Variants in SRGAP3 observed in about 807,000 individuals in gnomAD.
SRGAP3 encodes the protein SLIT-ROBO Rho GTPase-activating protein 3.
In SRGAP3, 39 loss-of-function variants were observed where a neutral mutation model predicts 121.1. The ratio of observed to expected loss-of-function variants is 0.32; its 90% confidence interval spans 0.25 to 0.42. The LOEUF (loss-of-function observed/expected upper bound fraction) is 0.42. SRGAP3 is among the 10% of genes least tolerant of loss of function. SRGAP3 has a pLI of 1.00. For synonymous variants in SRGAP3, 601 were observed against 570.0 expected (o/e 1.05, Z -0.77); for missense variants, 1,213 against 1,470.6 (o/e 0.82, Z 2.86).
At chr3:9,050,888 G>A (rs1945534496) in intron 9 of SRGAP3, among the ~76,000 whole-genome samples, 1 of 152,216 alleles carries the variant, frequency 6.6e-6, no homozygotes, top group South Asian at 2.1e-4. Context: ...AGAAAATGTA[G>A]TGTGTATCGA....
chr3:9,026,963 C>T lies in SRGAP3; in HGVS notation c.1572G>A (p.Glu524=), dbSNP rs755600469. 6.2e-7 allele frequency: 1 copy of T among 1,614,192 alleles called. No individual in the cohort carries two copies. Among genetic ancestry groups the T allele is most frequent in the Non-Finnish European group, 8.5e-7 (1 of 1,180,034 alleles). The change falls in exon 13 of 22, where the codon GAG becomes GAA. Residue 524 remains glutamate, a synonymous_variant. Coordinates refer to ENST00000383836, the MANE Select transcript of SRGAP3 (RefSeq NM_014850.4). ...ATAAATTGATGTAACGGATGCAGCTCTCGACTACAAGCGGTATAGCTTGTC... is the reference window on the plus strand; with the variant it reads ...ATAAATTGATGTAACGGATGCAGCTTTCGACTACAAGCGGTATAGCTTGTC... ...DSGQAIPLVV[E]SCIRYINLYG... is the part of the protein sequence containing the mutation.
At chr3:9,358,187 T>C (rs1033301876) in intron 1 of SRGAP3, among the ~76,000 whole-genome samples, 1 of 152,070 alleles carries the variant, frequency 6.6e-6, no homozygotes, top group African/African-American at 2.4e-5. Flanking sequence ...TCCAGAACAT[T>C]CTCATCACTT....
intron 1 of SRGAP3, among the ~76,000 whole-genome samples, chr3:9,170,409 C>T (rs960606449): frequency 3.3e-5 from 5 of 152,042 alleles, no homozygotes; most frequent in Admixed American, 6.5e-5. Flanking sequence ...CGGGGAGCAG[C>T]GGGGTGGGGG....
At chr3:9,214,860 G>A (rs965439240) in intron 1 of SRGAP3, among the ~76,000 whole-genome samples, 2 of 152,118 alleles carry the variant, frequency 1.3e-5, no homozygotes, top group Non-Finnish European at 2.9e-5. Context: ...CTAACCACAC[G>A]CTACAGGAGG....
chr3:9,294,269 G>T (rs986171889), intron 3 of SRGAP3, among the ~76,000 whole-genome samples: 2 of 152,106 alleles, frequency 1.3e-5, no homozygotes, highest in African/African-American at 4.8e-5. Context: ...AACTAGTGCA[G>T]AAACAGAAAA....
At chr3:9,222,890 T>G (rs1243199976) in intron 1 of SRGAP3, among the ~76,000 whole-genome samples, 1 of 152,172 alleles carries the variant, frequency 6.6e-6, no homozygotes, top group African/African-American at 2.4e-5. Context: ...ATAAATCAAT[T>G]TTATAGTCAA....
At chr3:9,197,549 T>C (rs918846653) in intron 1 of SRGAP3, among the ~76,000 whole-genome samples, 1 of 152,254 alleles carries the variant, frequency 6.6e-6, no homozygotes, top group Non-Finnish European at 1.5e-5. Flanking sequence ...TCTCATTTTG[T>C]AGTGTCTCAT....
chr3:9,350,667 C>T (rs7629261), intron 1 of SRGAP3, among the ~76,000 whole-genome samples: 9,467 of 152,176 alleles, frequency 0.062, 1,043 homozygotes, highest in African/African-American at 0.22. Flanking sequence ...TCTGAATAGT[C>T]TTTCTGTTTT....
chr3:9,339,713 C>T (rs186552492), intron 1 of SRGAP3, among the ~76,000 whole-genome samples: 1 of 152,282 alleles, frequency 6.6e-6, no homozygotes, highest in East Asian at 1.9e-4. Flanking sequence ...CCTGGGTGGG[C>T]CAAATAAAAT....
At position 9,239,593 on chromosome 3, in the gene SRGAP3, C is replaced by T. The variant is rs1953549756; in HGVS notation, c.67+9292G>A. On this transcript the variant is annotated intron_variant, in intron 1 of 21. Transcript: ENST00000383836. The surrounding 1 kb of genome is among the most constrained non-coding windows in gnomAD (Gnocchi z 4.0). ...CCAGGTCCATTCAAGGAACCTGGAACACTCTGCTGCAGCAGTGTGCACCCC... is the reference window on the plus strand; with the variant it reads ...CCAGGTCCATTCAAGGAACCTGGAATACTCTGCTGCAGCAGTGTGCACCCC... Among the ~76,000 whole-genome samples, 2 of 152,206 alleles carry T rather than the reference C, an allele frequency of 1.3e-5. No individual in the cohort carries two copies.
At chr3:9,090,718 C>G (rs917862176) in intron 3 of SRGAP3, among the ~76,000 whole-genome samples, 4 of 152,186 alleles carry the variant, frequency 2.6e-5, no homozygotes, top group African/African-American at 9.6e-5. Flanking sequence ...CTCACTGCAA[C>G]CTCCATCTCT....
chr3:9,182,200 A>AAAAAAAAC (rs1491306717), intron 1 of SRGAP3, among the ~76,000 whole-genome samples: 15 of 146,304 alleles, frequency 1.0e-4, no homozygotes, highest in Non-Finnish European at 2.0e-4. Context: ...AAAAAAAAAA[A>AAAAAAAAC]ACACAAAAAA....
At chr3:9,115,131 AG>A (rs1288676280) in intron 2 of SRGAP3, among the ~76,000 whole-genome samples, 1 of 152,158 alleles carries the variant, frequency 6.6e-6, no homozygotes, top group Non-Finnish European at 1.5e-5. Flanking sequence ...GTCTGAAGTT[AG>A]GGTTCACCCT....
chr3:9,146,407 T>C (rs1286444203), intron 1 of SRGAP3, among the ~76,000 whole-genome samples: 2 of 152,212 alleles, frequency 1.3e-5, no homozygotes, highest in Admixed American at 6.5e-5. Context: ...AGGGACTTTA[T>C]AGCCCCAAGC....
chr3:9,068,518 G>C (rs1208291924), intron 4 of SRGAP3, among the ~76,000 whole-genome samples: 1 of 152,064 alleles, frequency 6.6e-6, no homozygotes, highest in Non-Finnish European at 1.5e-5. Flanking sequence ...TGATCTACTC[G>C]ATTCCTGATT....
rs529300193 is a variant in SRGAP3, at chr3:8,990,677, C to T, written c.2721G>A (p.Glu907=). 9.3e-6 allele frequency: 15 copies of T among 1,613,616 alleles called. No homozygotes were observed. The African/African-American group carries it at 1.9e-4, about 20-fold the overall frequency. The change falls in exon 21 of 22, where the codon GAG becomes GAA. Residue 907 remains glutamate, a synonymous_variant. Coordinates refer to ENST00000383836, the MANE Select transcript of SRGAP3 (RefSeq NM_014850.4). ...TCGCCATCCTCCGCTTCTCAGGGCT[C>T]TCGATCCTCCCCCGGGTGAGGGGGA... ...HKIPLTRGRI[E]SPEKRRMATF...
chr3:8,981,697 T>G lies in SRGAP3; in HGVS notation c.*3822A>C. ...TTCCTCTTTGTGTACCACAAACCGG[T>G]TTTAAATGTTTATAAGGCAGATCTC... On this transcript the variant is annotated 3_prime_UTR_variant, in exon 22 of 22. Coordinates refer to ENST00000383836, the MANE Select transcript of SRGAP3 (RefSeq NM_014850.4). 1 of 231,056 alleles carries G rather than the reference T, an allele frequency of 4.3e-6. No homozygotes were observed. The highest frequency in any genetic ancestry group is 6.2e-5 in the East Asian group (1 of 16,258). 14.3% of individuals were successfully genotyped at this position (231,056 alleles called of 1,614,324 possible).
intron 1 of SRGAP3, among the ~76,000 whole-genome samples, chr3:9,131,224 G>A (rs1279251324): frequency 6.6e-6 from 1 of 151,988 alleles, no homozygotes; most frequent in Non-Finnish European, 1.5e-5. Context: ...TTCAGCAGAC[G>A]TTTCCCCCCC....
chr3:8,995,336 C>T (rs1001876098), intron 18 of SRGAP3, among the ~76,000 whole-genome samples: 12 of 151,970 alleles, frequency 7.9e-5, no homozygotes, highest in African/African-American at 1.7e-4. Context: ...ATTAGCTGGG[C>T]GTGGTAGCAC....
Sources: allele counts gnomAD v4.1 joint callset (sites outside exome capture counted in the v4.1 genomes callset), GRCh38; gene constraint gnomAD v4.1.1; non-coding constraint Gnocchi (gnomAD v3.1); transcripts MANE v1.5; gene names NCBI Gene and HGNC (gene_info 2026-07-23, HGNC 2026-07-21).